The following RMST variants were observed in gnomAD, a reference collection of about 807,000 sequenced individuals.
RMST encodes the protein long intergenic non-protein coding RNA 54.
chr12:97,522,908 A>G (rs1037901840), intron 10 of RMST, among the ~76,000 whole-genome samples: 1 of 152,154 alleles, frequency 6.6e-6, no homozygotes, highest in African/African-American at 2.4e-5. Context: ...GGATTATTTT[A>G]CCATATCCAA....
chr12:97,540,850 A>C (rs1384995268), intron 11 of RMST, among the ~76,000 whole-genome samples: 2 of 151,544 alleles, frequency 1.3e-5, no homozygotes, highest in African/African-American at 4.8e-5. Context: ...AAAATCTGGC[A>C]CTCATTAATT....
chr12:97,520,749 A>T (rs572451991), intron 10 of RMST, among the ~76,000 whole-genome samples: 193 of 152,286 alleles, frequency 1.3e-3, no homozygotes, highest in Non-Finnish European at 2.0e-3. Flanking sequence ...AGGTTTGCAT[A>T]AAAAATGGGA....
intron 5 of RMST, among the ~76,000 whole-genome samples, chr12:97,468,311 T>C (rs1237715789): frequency 6.6e-6 from 1 of 152,018 alleles, no homozygotes; most frequent in African/African-American, 2.4e-5. Context: ...ATATGAACAT[T>C]GTATTTGCTT....
Position 97,527,311 on chromosome 12 carries a change from C to T in RMST, n.1341-3344C>T, listed in dbSNP as rs948930457. Among the ~76,000 whole-genome samples the T allele has an allele frequency of 3.3e-5, 5 of 152,134 alleles. No individual in the cohort carries two copies. In the South Asian group the frequency reaches 1.0e-3, roughly 32 times the overall value. ...CCAAATCTAGATTGCTTTGTTCTCA[C>T]CAACTGCTTCAACCGTTAAAACATT... On this transcript the variant is annotated intron_variant and non_coding_transcript_variant, in intron 10 of 13. Transcript: ENST00000640149.
At chr12:97,557,519 A>C (rs1474863404) in intron 11 of RMST, among the ~76,000 whole-genome samples, 1 of 152,170 alleles carries the variant, frequency 6.6e-6, no homozygotes, top group Non-Finnish European at 1.5e-5. Context: ...TTCAGAACAC[A>C]GAATGGCTTA....
At chr12:97,555,696 T>C (rs1343562641) in intron 11 of RMST, among the ~76,000 whole-genome samples, 1 of 152,250 alleles carries the variant, frequency 6.6e-6, no homozygotes, top group East Asian at 1.9e-4. Context: ...TCCCAGACTG[T>C]CTGTCTGTCT....
intron 11 of RMST, among the ~76,000 whole-genome samples, chr12:97,549,667 T>C (rs981813947): frequency 1.3e-5 from 2 of 152,184 alleles, no homozygotes; most frequent in Admixed American, 1.3e-4. Context: ...TTTCACAAAC[T>C]CAATGAGGCA....
chr12:97,485,609 G>A lies in RMST; in HGVS notation n.645-6852G>A, dbSNP rs142249688. Among the ~76,000 whole-genome samples, 1,232 of 152,138 alleles carry A rather than the reference G, an allele frequency of 8.1e-3. 17 individuals carry two copies. The highest frequency in any genetic ancestry group is 0.028 in the African/African-American group (1,142 of 41,494). On this transcript the variant is annotated intron_variant and non_coding_transcript_variant, in intron 5 of 13. Transcript: ENST00000640149. ...TCTGCCTGATAATTTGTTATGAGCCGACATTGTCACATACATTATTTTATT... is the reference window on the plus strand; with the variant it reads ...TCTGCCTGATAATTTGTTATGAGCCAACATTGTCACATACATTATTTTATT...
chr12:97,469,182 ATGTG>A (rs1178044914), intron 5 of RMST, among the ~76,000 whole-genome samples: 5 of 112,738 alleles, frequency 4.4e-5, no homozygotes, highest in East Asian at 2.6e-4. Flanking sequence ...GTGTGTGTGT[ATGTG>A]TGTATATATA....
At chr12:97,533,723 T>C (rs1881856086) in intron 11 of RMST, 1 of 151,894 alleles carries the variant, frequency 6.6e-6, no homozygotes, top group Admixed American at 6.6e-5. Flanking sequence ...CTTTTATGTA[T>C]CTGTGAACTA....
At chr12:97,499,824 T>C (rs1877889075) in intron 10 of RMST, among the ~76,000 whole-genome samples, 1 of 151,988 alleles carries the variant, frequency 6.6e-6, no homozygotes, top group Non-Finnish European at 1.5e-5. Flanking sequence ...CACTCCTGGA[T>C]AATTTTTGTA....
At chr12:97,466,278 T>A (rs996394059) in intron 5 of RMST, among the ~76,000 whole-genome samples, 1 of 152,116 alleles carries the variant, frequency 6.6e-6, no homozygotes, top group Non-Finnish European at 1.5e-5. Flanking sequence ...AAATAATTGA[T>A]TTTTGAAGGT....
intron 10 of RMST, among the ~76,000 whole-genome samples, chr12:97,527,242 A>C (rs185731032): frequency 1.5e-3 from 221 of 152,314 alleles, no homozygotes; most frequent in African/African-American, 5.0e-3. Flanking sequence ...AGCAGAGAGG[A>C]GCCGTGTGGA....
chr12:97,510,831 G>A (rs1036466237), intron 10 of RMST, among the ~76,000 whole-genome samples: 4 of 151,824 alleles, frequency 2.6e-5, no homozygotes, highest in South Asian at 2.1e-4. Context: ...CAATAAAGTC[G>A]ATAGGCTGAA....
intron 11 of RMST, among the ~76,000 whole-genome samples, chr12:97,559,509 G>T (rs1218630097): frequency 6.6e-6 from 1 of 151,976 alleles, no homozygotes; most frequent in Non-Finnish European, 1.5e-5. Flanking sequence ...CCTCCCCTTG[G>T]CAAGGCAATA....
chr12:97,555,628 C>G (rs1217152351), intron 11 of RMST, among the ~76,000 whole-genome samples: 1 of 152,112 alleles, frequency 6.6e-6, no homozygotes, highest in Non-Finnish European at 1.5e-5. Flanking sequence ...AGTGAGAGAA[C>G]AAAATAAGAG....
intron 5 of RMST, among the ~76,000 whole-genome samples, chr12:97,487,809 C>T (rs1876283102): frequency 6.6e-6 from 1 of 152,178 alleles, no homozygotes; most frequent in Non-Finnish European, 1.5e-5. Flanking sequence ...CTTCACATCC[C>T]CCGGTTGTCT....
At chr12:97,508,883 A>T (rs1032611546) in intron 10 of RMST, among the ~76,000 whole-genome samples, 2 of 152,204 alleles carry the variant, frequency 1.3e-5, no homozygotes, top group African/African-American at 4.8e-5. Flanking sequence ...GCTTTTTACT[A>T]CAATCGTGGA....
At chr12:97,508,201 A>T (rs1298861712) in intron 10 of RMST, among the ~76,000 whole-genome samples, 1 of 152,206 alleles carries the variant, frequency 6.6e-6, no homozygotes. Context: ...AATGTTATCT[A>T]TAAGAAGTAG....
Sources: allele counts gnomAD v4.1 joint callset (sites outside exome capture counted in the v4.1 genomes callset), GRCh38; gene constraint gnomAD v4.1.1; transcripts MANE v1.5; gene names NCBI Gene and HGNC (gene_info 2026-07-23, HGNC 2026-07-21).